Variants in UGT2A2 observed in about 807,000 individuals in gnomAD.
The protein encoded by UGT2A2 is UDP glucuronosyltransferase family 2 member A2.
In UGT2A2, 60 loss-of-function variants were observed where a neutral mutation model predicts 50.7. The observed-to-expected ratio is 1.18, with a 90% CI of 0.96 to 1.47. The LOEUF (loss-of-function observed/expected upper bound fraction) is 1.47, where lower values mean the gene tolerates loss of function less well. Ranked by LOEUF, UGT2A2 falls within the 40% of genes most tolerant of loss-of-function variation. The pLI is 0.00. For synonymous variants in UGT2A2, 242 were observed against 214.6 expected (o/e 1.13, Z -1.11); for missense variants, 762 against 634.0 (o/e 1.20, Z -2.17).
chr4:69,594,550 C>A lies in UGT2A2; in HGVS notation c.1258G>T (p.Val420Leu), dbSNP rs1270699532. The A allele has an allele frequency of 3.7e-6, 6 of 1,614,042 alleles. No individual in the cohort carries two copies. The highest frequency in any genetic ancestry group is 4.2e-6 in the Non-Finnish European group (5 of 1,180,042). Reference protein sequence around the residue: ...IAHMKAKGAAVEVNLNTMTSV... With the variant: ...IAHMKAKGAALEVNLNTMTSV... ...GTCATTGTGTTTAGGTTCACTTCCA[C>A]AGCTGCTCCTTTGGCCTTCATGTGA... Residue 420 changes from valine (V) to leucine (L), a missense_variant, in exon 5 of 6, where the codon GTG becomes TTG. Coordinates refer to ENST00000604629, the MANE Select transcript of UGT2A2 (RefSeq NM_001105677.2).
intron 1 of UGT2A2, among the ~76,000 whole-genome samples, chr4:69,627,598 AAAAGAAAG>A (rs143064060): frequency 4.7e-5 from 7 of 149,112 alleles, no homozygotes; most frequent in African/African-American, 1.7e-4. Flanking sequence ...AAGAAGAAAG[AAAAGAAAG>A]AAAGAAAGAG....
In UGT2A2 at chr4:69,599,292, T is replaced by C; in HGVS notation, c.845A>G (p.Glu282Gly). 1.2e-6 allele frequency: 2 copies of C among 1,613,808 alleles called. No homozygotes were observed. The highest frequency in any genetic ancestry group is 1.7e-6 in the Non-Finnish European group (2 of 1,179,904). ...EFPRPYLPNFEFVGGLHCKPA... is the reference protein window; with the variant it reads ...EFPRPYLPNFGFVGGLHCKPA... ...TTTGCAGTGCAATCCTCCAACAAAC[T>C]CAAAATTAGGTAAGTATGGACGAGG... The change falls in exon 2 of 6, where the codon GAG becomes GGG. Residue 282 changes from glutamate (E) to glycine (G), a missense_variant. By Grantham distance (98) the Glu-to-Gly change is moderately conservative. Transcript: ENST00000604629.
chr4:69,622,742 G>A (rs1481081974), intron 1 of UGT2A2, among the ~76,000 whole-genome samples: 1 of 151,704 alleles, frequency 6.6e-6, no homozygotes, highest in East Asian at 1.9e-4. Flanking sequence ...CTATTGTCTA[G>A]CAAAGAGAAG....
At chr4:69,624,677 A>G (rs1176986978) in intron 1 of UGT2A2, among the ~76,000 whole-genome samples, 1 of 151,248 alleles carries the variant, frequency 6.6e-6, no homozygotes, top group Non-Finnish European at 1.5e-5. Flanking sequence ...TATCATTTTT[A>G]GCATAACAAC....
chr4:69,613,070 A>G (rs920944654), intron 1 of UGT2A2, among the ~76,000 whole-genome samples: 5 of 152,012 alleles, frequency 3.3e-5, no homozygotes, highest in Admixed American at 2.0e-4. Flanking sequence ...AGACAGGCAA[A>G]AGACATGAAT....
Position 69,639,514 on chromosome 4 carries a change from A to G in UGT2A2, c.127T>C (p.Leu43=), listed in dbSNP as rs1721933303. 3 of 1,613,388 alleles carry G rather than the reference A, an allele frequency of 1.9e-6. No homozygotes were observed. The highest frequency in any genetic ancestry group is 2.5e-6 in the Non-Finnish European group (3 of 1,179,588). Residue 43 remains leucine (L), a synonymous_variant, in exon 1 of 6, where the codon TTA becomes CTA. Transcript: ENST00000604629. ...LIWPTDGSHW[L]NIKIILEELI... is the part of the protein sequence containing the mutation. Reference sequence around the variant, plus strand: ...TCTTCTAGAATAATCTTAATATTTAACCAATGGCTACCATCTGTAGGCCAA... The same window carrying G: ...TCTTCTAGAATAATCTTAATATTTAGCCAATGGCTACCATCTGTAGGCCAA...
At chr4:69,616,379 T>C (rs7676249) in intron 1 of UGT2A2, among the ~76,000 whole-genome samples, 54,308 of 151,712 alleles carry the variant, frequency 0.36, 10,246 homozygotes, top group African/African-American at 0.47. Context: ...AAGAGTGGAA[T>C]TGGAATTTTC....
At chr4:69,637,895 G>A (rs1399279761) in intron 1 of UGT2A2, among the ~76,000 whole-genome samples, 1 of 150,874 alleles carries the variant, frequency 6.6e-6, no homozygotes, top group Non-Finnish European at 1.5e-5. Context: ...AAAAAGGAAG[G>A]AAGGCAAGAA....
chr4:69,599,645 G>A (rs1577951219), intron 1 of UGT2A2: 12 of 360,498 alleles, frequency 3.3e-5, no homozygotes, highest in South Asian at 2.2e-4. Flanking sequence ...GGGAGAGAGA[G>A]GAAAGCAAGG....
Position 69,639,589 on chromosome 4 carries a change from C to G in UGT2A2, c.52G>C (p.Val18Leu), listed in dbSNP as rs765951014. 6.2e-7 allele frequency: 1 copy of G among 1,609,366 alleles called. No individual in the cohort carries two copies. The highest frequency in any genetic ancestry group is 8.5e-7 in the Non-Finnish European group (1 of 1,178,152). ...TMPKKFVQML[V>L]FNLTLTEVVL... ...ACTTCAGTCAGAGTCAAATTAAAAA[C>G]CAGCATCTGGACAAACTTCTTAGGC... The change falls in exon 1 of 6, where the codon GTT becomes CTT. Residue 18 changes from valine to leucine, a missense_variant. Transcript: ENST00000604629.
chr4:69,630,104 A>G (rs1721301325), intron 1 of UGT2A2, among the ~76,000 whole-genome samples: 1 of 152,098 alleles, frequency 6.6e-6, no homozygotes, highest in South Asian at 2.1e-4. Context: ...ATATTAAAAG[A>G]TTATATTAAA....
intron 1 of UGT2A2, among the ~76,000 whole-genome samples, chr4:69,624,358 T>C (rs1720918031): frequency 6.6e-6 from 1 of 151,448 alleles, no homozygotes; most frequent in South Asian, 2.1e-4. Context: ...TTTTTCTTTA[T>C]GAGTTTCTTA....
rs759365334 is a variant in UGT2A2 at position 69,602,952 on chromosome 4, C to A, written c.743-3558G>T. Among the ~76,000 whole-genome samples, 6 of 135,092 alleles carry A rather than the reference C, an allele frequency of 4.4e-5. 2 individuals are homozygous for A. Among genetic ancestry groups the A allele is most frequent in the African/African-American group, 1.5e-4 (5 of 33,224 alleles). The allele number at this position is 135,092 out of a possible 152,430, so 88.6% of individuals were successfully genotyped here. A position where few individuals can be genotyped will look rare whatever the true frequency, so the allele number is the denominator to read the frequency against. On this transcript the variant is annotated intron_variant, in intron 1 of 5. Coordinates refer to ENST00000604629, the MANE Select transcript of UGT2A2 (RefSeq NM_001105677.2). ...GCGTGGTGGCAGGTGCCTGTAATCCCAGATACTCTAGAGGCTGAGGCAGAG... is the reference window on the plus strand; with the variant it reads ...GCGTGGTGGCAGGTGCCTGTAATCCAAGATACTCTAGAGGCTGAGGCAGAG...
rs768041250 is a variant in UGT2A2, at chr4:69,599,241, C to T, written c.891+5G>A. On this transcript the variant is annotated splice_donor_5th_base_variant and intron_variant, in intron 2 of 5. Coordinates refer to ENST00000604629, the MANE Select transcript of UGT2A2 (RefSeq NM_001105677.2). ...GCATAAAATCCTCCACTGTTGTAGA[C>T]CTACCTTAGGTAAAGGTTTGGCAGG... The T allele has an allele frequency of 6.2e-7, 1 of 1,612,456 alleles. No homozygotes were observed. The highest frequency in any genetic ancestry group is 1.1e-5 in the South Asian group (1 of 90,882).
chr4:69,593,968 TTTTTTTTTGTTTG>T (rs1174943293), intron 5 of UGT2A2, among the ~76,000 whole-genome samples: 2 of 96,306 alleles, frequency 2.1e-5, no homozygotes, highest in Non-Finnish European at 4.5e-5. Context: ...ATTTGAAGTC[TTTTTTTTTGTTTG>T]TTTTTTTTTT....
At chr4:69,589,690 T>C in intron 5 of UGT2A2, 39 bp from the exon 6 acceptor site, 1 of 1,563,054 alleles carries the variant, frequency 6.4e-7, no homozygotes, top group East Asian at 2.3e-5. Flanking sequence ...AGACAATTTT[T>C]GTTTTTATTT....
rs1184921249 is a variant in UGT2A2, at chr4:69,596,190, A to G, written c.1023+60T>C. On this transcript the variant is annotated intron_variant, in intron 3 of 5. Coordinates refer to ENST00000604629, the MANE Select transcript of UGT2A2 (RefSeq NM_001105677.2). ...ATTTTCATATGGAAAGAACATTACT[A>G]GCTGCATTGTCTCTCCCATTAGTAA... The G allele has an allele frequency of 6.4e-6, 9 of 1,411,432 alleles. No homozygotes were observed. The African/African-American group carries it at 7.2e-5, about 11-fold the overall frequency. 87.4% of individuals were successfully genotyped at this position (1,411,432 alleles called of 1,614,324 possible). A position where few individuals can be genotyped will look rare whatever the true frequency, so the allele number is the denominator to read the frequency against.
intron 1 of UGT2A2, among the ~76,000 whole-genome samples, chr4:69,610,315 C>T (rs1396935592): frequency 2.0e-5 from 3 of 151,974 alleles, no homozygotes; most frequent in Non-Finnish European, 4.4e-5. Flanking sequence ...ATTGCTTAAT[C>T]ATTTAGCATT....
rs531755389 is a variant in UGT2A2, at chr4:69,603,810, G to T, written c.743-4416C>A. 2.0e-4 allele frequency among the ~76,000 whole-genome samples: 27 copies of T among 135,504 alleles called. 4 individuals are homozygous for T. The highest frequency in any genetic ancestry group is 3.0e-4 in the Non-Finnish European group (19 of 63,648). The allele number at this position is 135,504 out of a possible 152,430, so 88.9% of individuals were successfully genotyped here. On this transcript the variant is annotated intron_variant, in intron 1 of 5. Coordinates refer to ENST00000604629, the MANE Select transcript of UGT2A2 (RefSeq NM_001105677.2). ...GCCGATTCAATCAACTGGAAGAAAG[G>T]GTATCAGTGATGGAAGATCAAATGA...
Sources: gnomAD v4.1 joint callset for allele counts (sites outside exome capture counted in the v4.1 genomes callset) on GRCh38, gnomAD v4.1.1 for gene constraint, MANE v1.5 for transcripts, NCBI Gene and HGNC (gene_info 2026-07-23, HGNC 2026-07-21) for gene names.